The following MAST4 variants were observed in gnomAD, a reference collection of about 807,000 sequenced individuals.
MAST4 encodes the protein microtubule-associated serine/threonine-protein kinase 4.
MAST4 carries 89 observed loss-of-function variants against 162.7 expected under a neutral mutation model. The observed-to-expected ratio is 0.55, with a 90% CI of 0.46 to 0.65. The LOEUF (loss-of-function observed/expected upper bound fraction) is 0.65. MAST4 is among the 30% of genes least tolerant of loss of function. The pLI is 0.00. For synonymous variants in MAST4, 1,479 were observed against 1,361.1 expected (o/e 1.09, Z -1.91); for missense variants, 3,153 against 3,374.0 (o/e 0.93, Z 1.62).
chr5:67,088,261 A>G (rs1763470530), intron 5 of MAST4, among the ~76,000 whole-genome samples: 1 of 152,208 alleles, frequency 6.6e-6, no homozygotes, highest in African/African-American at 2.4e-5. Flanking sequence ...ACACAGGGCT[A>G]AGAATTCGGT....
intron 4 of MAST4, among the ~76,000 whole-genome samples, chr5:66,907,618 G>C (rs537356189): frequency 2.0e-5 from 3 of 151,162 alleles, no homozygotes; most frequent in African/African-American, 4.9e-5. Context: ...GTGTGTGTGT[G>C]TGTGTGTGTG....
In MAST4 at chr5:66,634,949, G is replaced by A. The variant is rs563412993; in HGVS notation, c.363+37931G>A. On this transcript the variant is annotated intron_variant, in intron 1 of 28. Transcript: ENST00000403625. ...CCGCCCCATCAGTGCTCCAGATGTG[G>A]CCAGATGTGCAGAAAACCCAATCCT... 8.1e-4 allele frequency among the ~76,000 whole-genome samples: 123 copies of A among 152,344 alleles called. 1 individual carries two copies. The highest frequency in any genetic ancestry group is 1.9e-3 in the South Asian group (9 of 4,830).
chr5:67,114,028 A>G lies in MAST4; in HGVS notation c.1459-59A>G, dbSNP rs1766582685. 4.4e-6 allele frequency: 7 copies of G among 1,602,660 alleles called. No homozygotes were observed. The East Asian group carries it at 8.9e-5, about 20-fold the overall frequency. On this transcript the variant is annotated intron_variant, in intron 11 of 28. Coordinates refer to ENST00000403625, the MANE Select transcript of MAST4 (RefSeq NM_001164664.2). The stretch of plus-strand genomic sequence containing the variant: ...TTATATTGTGAATGGGATTTATGTA[A>G]TAAAACCTCAGACAATTTTGGCTCA...
rs776474625 is a variant in MAST4, at chr5:67,144,754, C to T, written c.2816C>T (p.Pro939Leu). The T allele has an allele frequency of 7.4e-6, 12 of 1,613,380 alleles. No individual in the cohort carries two copies. Among genetic ancestry groups the T allele is most frequent in the Non-Finnish European group, 8.5e-7 (1 of 1,179,616 alleles). Residue 939 changes from proline (P) to leucine (L), a missense_variant, in exon 22 of 29, where the codon CCA (proline) becomes CTA (leucine). Physicochemically the swap from Pro to Leu is moderately conservative, Grantham distance 98 (BLOSUM62 -3). Around this residue, in one of 7 missense-constraint regions of MAST4, gnomAD observed 619 missense variants for 744.2 expected, o/e 0.83. Coordinates refer to ENST00000403625, the MANE Select transcript of MAST4 (RefSeq NM_001164664.2). ...GACAAAACCAAAAGCACCACCTTGC[C>T]ATCCACAGAAACACTGAGCTGGAGT... is the stretch of plus-strand genomic sequence containing the variant. Reference protein sequence around the residue: ...SVDKTKSTTLPSTETLSWSSE... With the variant: ...SVDKTKSTTLLSTETLSWSSE...
At position 67,160,379 on chromosome 5, in the gene MAST4, C is replaced by T. The variant is rs1047480810; in HGVS notation, c.3649-77C>T. The T allele has an allele frequency of 8.0e-6, 11 of 1,372,386 alleles. No homozygotes were observed. The Admixed American group carries it at 1.7e-4, about 22-fold the overall frequency. 85.0% of individuals were successfully genotyped at this position (1,372,386 alleles called of 1,614,324 possible). A position where few individuals can be genotyped will look rare whatever the true frequency, so the allele number is the denominator to read the frequency against. ...TATGTTCCTTTCTATTTGTATTTGT[C>T]TATGAATCTCTCATCTCTGTTCTGA... On this transcript the variant is annotated intron_variant, in intron 26 of 28. Transcript: ENST00000403625.
chr5:66,747,424 C>A (rs1752837025), intron 1 of MAST4, among the ~76,000 whole-genome samples: 1 of 152,108 alleles, frequency 6.6e-6, no homozygotes, highest in African/African-American at 2.4e-5. Flanking sequence ...TCTAGTACAT[C>A]TTCTAGTTTA....
rs189660040 is a variant in MAST4, at chr5:66,848,499, A to T, written c.643-51452A>T. Among the ~76,000 whole-genome samples, 6 of 152,242 alleles carry T rather than the reference A, an allele frequency of 3.9e-5. No individual in the cohort carries two copies. In the East Asian group the frequency reaches 1.2e-3, roughly 29 times the overall value. ...ATTACTAGGCATGACTTCACCAATG[A>T]TCAGTTAGCCTCCGTTATTATAATT... On this transcript the variant is annotated intron_variant, in intron 3 of 28. Coordinates refer to ENST00000403625, the MANE Select transcript of MAST4 (RefSeq NM_001164664.2).
chr5:66,854,384 T>C (rs1358807370), intron 3 of MAST4, among the ~76,000 whole-genome samples: 2 of 152,186 alleles, frequency 1.3e-5, no homozygotes, highest in African/African-American at 2.4e-5. Flanking sequence ...ATATTTACCA[T>C]GTCATAGTTT....
intron 4 of MAST4, among the ~76,000 whole-genome samples, chr5:67,044,635 G>A (rs1376069139): frequency 6.6e-6 from 1 of 152,036 alleles, no homozygotes; most frequent in African/African-American, 2.4e-5. Flanking sequence ...CAGCCTCGCT[G>A]CCTGAGTAAT....
intron 19 of MAST4, 101 bp downstream of exon 19, chr5:67,136,765 C>G: frequency 1.2e-6 from 1 of 820,220 alleles, no homozygotes; most frequent in East Asian, 2.7e-5. Context: ...GCATAGGCAA[C>G]ATCTGTTAGT....
At chr5:67,026,145 G>T (rs1169894564) in intron 4 of MAST4, among the ~76,000 whole-genome samples, 1 of 152,266 alleles carries the variant, frequency 6.6e-6, no homozygotes, top group African/African-American at 2.4e-5. Context: ...TAATGATCAA[G>T]GTCTAAATAT....
At chr5:66,896,285 G>T (rs557484515) in intron 3 of MAST4, among the ~76,000 whole-genome samples, 10 of 152,214 alleles carry the variant, frequency 6.6e-5, no homozygotes, top group African/African-American at 2.4e-4. Context: ...TAATACCACA[G>T]GCATGAAGTG....
intron 1 of MAST4, among the ~76,000 whole-genome samples, chr5:66,664,085 A>G (rs1413678999): frequency 6.6e-6 from 1 of 152,100 alleles, no homozygotes; most frequent in Non-Finnish European, 1.5e-5. Context: ...CTGGTGTGAG[A>G]ATAGAATTGG....
Position 66,748,047 on chromosome 5 carries a change from G to T in MAST4, c.364-11662G>T, listed in dbSNP as rs142092338. Among the ~76,000 whole-genome samples the T allele has an allele frequency of 4.4e-3, 665 of 152,254 alleles. 5 individuals are homozygous for T. Among genetic ancestry groups the T allele is most frequent in the African/African-American group, 0.015 (624 of 41,550 alleles). Reference sequence around the variant, plus strand: ...TTGTTGGTGATAGGGTGTGGGCTTTGCCAGGGGATTTCTAGGGACTGAAGT... The same window carrying T: ...TTGTTGGTGATAGGGTGTGGGCTTTTCCAGGGGATTTCTAGGGACTGAAGT... On this transcript the variant is annotated intron_variant, in intron 1 of 28. Coordinates refer to ENST00000403625, the MANE Select transcript of MAST4 (RefSeq NM_001164664.2).
intron 1 of MAST4, among the ~76,000 whole-genome samples, chr5:66,726,242 A>G (rs1266650841): frequency 6.6e-6 from 1 of 152,004 alleles, no homozygotes; most frequent in African/African-American, 2.4e-5. Flanking sequence ...TGCCTAGTGG[A>G]AGTGGCAGGT....
intron 15 of MAST4, among the ~76,000 whole-genome samples, chr5:67,130,714 T>C (rs757710874): frequency 1.3e-5 from 2 of 152,154 alleles, no homozygotes; most frequent in South Asian, 2.1e-4. Flanking sequence ...GGTGATGGGA[T>C]TTTTTTCTGC....
chr5:66,788,606 C>CCCCAGCCAAAA, intron 2 of MAST4, 64 bp from the exon 3 acceptor site: 1 of 1,356,384 alleles, frequency 7.4e-7, no homozygotes. Flanking sequence ...ACCCCCACCC[C>CCCCAGCCAAAA]CATTGCAATA....
rs1457330392 is a variant in MAST4, at chr5:67,166,400, C to T, written c.7221C>T (p.Ala2407=). The change falls in exon 29 of 29, where the codon GCC becomes GCT. Residue 2407 remains alanine (A), a synonymous_variant. Coordinates refer to ENST00000403625, the MANE Select transcript of MAST4 (RefSeq NM_001164664.2). ...GGTTGAAAGGCGCGGAGCGGCCAGC[C>T]GCGGGGGTGGGGAAGGGCTTCCCTG... ...ENRLKGAERP[A]AGVGKGFPEA... The T allele has an allele frequency of 2.5e-6, 4 of 1,610,396 alleles. No individual in the cohort carries two copies. Among genetic ancestry groups the T allele is most frequent in the Non-Finnish European group, 3.4e-6 (4 of 1,178,246 alleles).
intron 4 of MAST4, among the ~76,000 whole-genome samples, chr5:67,005,351 G>A (rs1170889479): frequency 6.6e-6 from 1 of 152,116 alleles, no homozygotes; most frequent in Non-Finnish European, 1.5e-5. Flanking sequence ...AGAGGTGGGG[G>A]AGAAAAAGGG....
Sources: gnomAD v4.1 joint callset for allele counts (sites outside exome capture counted in the v4.1 genomes callset) on GRCh38, gnomAD v4.1.1 for gene constraint, gnomAD v4.1.1 regional missense constraint, MANE v1.5 for transcripts, NCBI Gene and HGNC (gene_info 2026-07-23, HGNC 2026-07-21) for gene names.